The following RNF34 variants were observed in gnomAD, a reference collection of about 807,000 sequenced individuals.
RNF34 encodes ring finger protein 34.
Under a neutral mutation model 37.9 loss-of-function variants are expected in RNF34, and 12 were observed. The ratio of observed to expected loss-of-function variants is 0.32; its 90% CI spans 0.20 to 0.51. The LOEUF (loss-of-function observed/expected upper bound fraction) is 0.51, where lower values mean the gene tolerates loss of function less well. Among genes scored for constraint, RNF34 ranks in the 20% least tolerant of loss-of-function variants. The pLI is 0.97. For missense variants in RNF34, 362 were observed against 472.7 expected (o/e 0.77, Z 2.17); for synonymous variants, 155 against 177.2 (o/e 0.87, Z 1.00).
chr12:121,417,685 C>T lies in RNF34; in HGVS notation c.407C>T (p.Thr136Ile), dbSNP rs2137091894. 1 of 1,614,174 alleles carries T rather than the reference C, an allele frequency of 6.2e-7. No homozygotes were observed. The highest frequency in any genetic ancestry group is 8.5e-7 in the Non-Finnish European group (1 of 1,180,022). Residue 136 changes from threonine to isoleucine, a missense_variant, in exon 3 of 6, where the codon ACT (threonine) becomes ATT (isoleucine). Transcript: ENST00000361234. This position sits in a 1 kb window ranked among gnomAD's most constrained non-coding sequence, Gnocchi z 5.0. The stretch of plus-strand genomic sequence containing the variant: ...ATTCTGAGAAATATACCCATAGATA[C>T]TTGTCGTGAGAAAGAAGACTTGGTG... ...YLILRNIPIDTCREKEDLVDL... is the reference protein window; with the variant it reads ...YLILRNIPIDICREKEDLVDL...
chr12:121,419,121 G>A lies in RNF34; in HGVS notation c.634-1121G>A, dbSNP rs142087959. 3.5e-4 allele frequency among the ~76,000 whole-genome samples: 53 copies of A among 152,282 alleles called. No homozygotes were observed. The East Asian group carries it at 9.3e-3, about 27-fold the overall frequency. On this transcript the variant is annotated intron_variant, in intron 3 of 5. Coordinates refer to ENST00000361234, the MANE Select transcript of RNF34 (RefSeq NM_025126.4). ...TTGGTCAGTGATAGACCACATACAC[G>A]GCAGTGGTTCTGTAAGATTATAATA...
chr12:121,402,186 C>G (rs1870058345), intron 1 of RNF34, among the ~76,000 whole-genome samples: 1 of 152,016 alleles, frequency 6.6e-6, no homozygotes, highest in African/African-American at 2.4e-5. Context: ...GCCTATAATC[C>G]CAGCACTTTG....
intron 1 of RNF34, among the ~76,000 whole-genome samples, chr12:121,415,698 T>C: frequency 6.6e-6 from 1 of 152,102 alleles, no homozygotes; most frequent in East Asian, 1.9e-4. Flanking sequence ...CCTTAGACTG[T>C]AGAACTGTGG....
chr12:121,417,774 T>G lies in RNF34; in HGVS notation c.496T>G (p.Ser166Ala). The G allele has an allele frequency of 6.2e-7, 1 of 1,614,204 alleles. No individual in the cohort carries two copies. The highest frequency in any genetic ancestry group is 8.5e-7 in the Non-Finnish European group (1 of 1,180,042). The change falls in exon 3 of 6, where the codon TCT becomes GCT. Residue 166 changes from serine (S) to alanine (A), a missense_variant. Ser to Ala is a moderately conservative substitution (Grantham distance 99). Transcript: ENST00000361234. The surrounding 1 kb of genome is among the most constrained non-coding windows in gnomAD (Gnocchi z 5.0). The stretch of plus-strand genomic sequence containing the variant: ...CGACATGGACACAAGCAGTCTGAAT[T>G]CTTCAAGGTCCCAGACTTCTAGCTT... Reference protein sequence around the residue: ...EDDMDTSSLNSSRSQTSSFFT... With the variant: ...EDDMDTSSLNASRSQTSSFFT...
At chr12:121,407,053 C>G (rs1870612442) in intron 1 of RNF34, among the ~76,000 whole-genome samples, 1 of 152,028 alleles carries the variant, frequency 6.6e-6, no homozygotes, top group Non-Finnish European at 1.5e-5. Flanking sequence ...AGTTTTTCAC[C>G]CCTTGTTCCT....
chr12:121,401,354 C>CAAAAAAAAAAAAAAAAAAAAAAAAAAA lies in RNF34; in HGVS notation c.6+1156_6+1157insAAAAAAAAAAAAAAAAAAAAAAAAAAA, dbSNP rs563285897. 2.6e-5 allele frequency among the ~76,000 whole-genome samples: 2 copies of CAAAAAAAAAAAAAAAAAAAAAAAAAAA among 76,798 alleles called. 1 individual carries two copies. Among genetic ancestry groups the CAAAAAAAAAAAAAAAAAAAAAAAAAAA allele is most frequent in the Non-Finnish European group, 5.1e-5 (2 of 39,152 alleles). 50.4% of individuals were successfully genotyped at this position (76,798 alleles called of 152,430 possible). A position where few individuals can be genotyped will look rare whatever the true frequency, so the allele number is the denominator to read the frequency against. On this transcript the variant is annotated intron_variant, in intron 1 of 5. Transcript: ENST00000361234. ...TTACAAGGCAGAAGGCTATAGGTAT[C>CAAAAAAAAAAAAAAAAAAAAAAAAAAA]AAAAAAAAAAAAAAAAAAAAGGCAG...
intron 1 of RNF34, among the ~76,000 whole-genome samples, chr12:121,414,098 G>C (rs1366784612): frequency 6.6e-6 from 1 of 152,176 alleles, no homozygotes; most frequent in African/African-American, 2.4e-5. Flanking sequence ...TTTTAAGGTT[G>C]AGGGCTTTTT....
chr12:121,417,944 C>T lies in RNF34; in HGVS notation c.633+33C>T, dbSNP rs370742713. The T allele has an allele frequency of 3.9e-5, 62 of 1,597,916 alleles. No individual in the cohort carries two copies. The highest frequency in any genetic ancestry group is 4.8e-5 in the Non-Finnish European group (56 of 1,172,574). On this transcript the variant is annotated intron_variant, in intron 3 of 5. Coordinates refer to ENST00000361234, the MANE Select transcript of RNF34 (RefSeq NM_025126.4). This position sits in a 1 kb window ranked among gnomAD's most constrained non-coding sequence, Gnocchi z 5.0. ...GGGGTAACTAATTACACCCAGGGCC[C>T]GGCACGCTTATTCTTGGCCGTATAT...
At chr12:121,407,657 TG>T (rs1870675602) in intron 1 of RNF34, among the ~76,000 whole-genome samples, 2 of 152,116 alleles carry the variant, frequency 1.3e-5, no homozygotes, top group South Asian at 4.1e-4. Context: ...ATGGAAGCAA[TG>T]AATGAATAAA....
intron 1 of RNF34, among the ~76,000 whole-genome samples, chr12:121,406,015 G>A (rs897183463): frequency 1.3e-4 from 20 of 150,616 alleles, no homozygotes; most frequent in Non-Finnish European, 2.4e-4. Context: ...GGATGGTCTC[G>A]ATCTCCTGAC....
chr12:121,413,527 TCA>T (rs1555281673), intron 1 of RNF34, among the ~76,000 whole-genome samples: 3 of 149,130 alleles, frequency 2.0e-5, no homozygotes, highest in South Asian at 2.2e-4. Context: ...TTCTCCTGCC[TCA>T]GCCTCCCGAG....
chr12:121,420,579 C>T lies in RNF34; in HGVS notation c.729C>T (p.Asn243=). 1.2e-6 allele frequency: 2 copies of T among 1,613,972 alleles called. No individual in the cohort carries two copies. Among genetic ancestry groups the T allele is most frequent in the Non-Finnish European group, 8.5e-7 (1 of 1,179,910 alleles). The part of the protein sequence containing the change: ...DDEEENAEDR[N]PGLSKERVRA... ...TAATGGATGCTCTGTGGTTTCAGAA[C>T]CCCGGGCTCTCCAAGGAGAGAGTGA... Residue 243 remains asparagine (N), a splice_region_variant and synonymous_variant, in exon 5 of 6, where the codon AAC becomes AAT. Coordinates refer to ENST00000361234, the MANE Select transcript of RNF34 (RefSeq NM_025126.4).
chr12:121,423,600 G>T lies in RNF34; in HGVS notation c.*24G>T. The T allele has an allele frequency of 1.2e-6, 2 of 1,601,202 alleles. No individual in the cohort carries two copies. Among genetic ancestry groups the T allele is most frequent in the South Asian group, 2.2e-5 (2 of 89,884 alleles). On this transcript the variant is annotated 3_prime_UTR_variant, in exon 6 of 6. Transcript: ENST00000361234. This position sits in a 1 kb window ranked among gnomAD's most constrained non-coding sequence, Gnocchi z 4.3. ...GAAACAGGCTCCCCTCACCAGGACA[G>T]TCACCCCCAAACTTGACCCCCAACA... is the stretch of plus-strand genomic sequence containing the variant.
chr12:121,405,570 G>A (rs1338466892), intron 1 of RNF34, among the ~76,000 whole-genome samples: 4 of 151,854 alleles, frequency 2.6e-5, no homozygotes, highest in African/African-American at 7.3e-5. Flanking sequence ...CGCAACCTCC[G>A]TCTCCCAGGT....
chr12:121,414,765 C>T (rs951026125), intron 1 of RNF34, among the ~76,000 whole-genome samples: 7 of 151,426 alleles, frequency 4.6e-5, no homozygotes, highest in African/African-American at 1.2e-4. Context: ...CTCCGCCTCC[C>T]GAATTCAAGC....
At chr12:121,421,724 T>G (rs1555283426) in intron 5 of RNF34, among the ~76,000 whole-genome samples, 1 of 152,212 alleles carries the variant, frequency 6.6e-6, no homozygotes, top group African/African-American at 2.4e-5. Context: ...TATTTTTAAA[T>G]TGAGACAGGG....
At chr12:121,406,489 G>A (rs10849878) in intron 1 of RNF34, among the ~76,000 whole-genome samples, 47,481 of 151,986 alleles carry the variant, frequency 0.31, 8,922 homozygotes, top group East Asian at 0.43. Context: ...GTTTCACCAC[G>A]TTGCCCACGC....
intron 1 of RNF34, among the ~76,000 whole-genome samples, chr12:121,415,468 T>C (rs1871473733): frequency 6.6e-6 from 1 of 151,864 alleles, no homozygotes; most frequent in South Asian, 2.1e-4. Flanking sequence ...TAAAAATAAA[T>C]TAGCCAAGTG....
chr12:121,417,964 G>A lies in RNF34; in HGVS notation c.633+53G>A, dbSNP rs535216026. 9.0e-6 allele frequency: 14 copies of A among 1,551,050 alleles called. No individual in the cohort carries two copies. The highest frequency in any genetic ancestry group is 3.6e-5 in the South Asian group (3 of 83,454). On this transcript the variant is annotated intron_variant, in intron 3 of 5. Coordinates refer to ENST00000361234, the MANE Select transcript of RNF34 (RefSeq NM_025126.4). This position sits in a 1 kb window ranked among gnomAD's most constrained non-coding sequence, Gnocchi z 5.0. ...GGGCCCGGCACGCTTATTCTTGGCC[G>A]TATATGGTGGGGCCTTTAGTGCTTG...
Sources: allele counts gnomAD v4.1 joint callset (sites outside exome capture counted in the v4.1 genomes callset), GRCh38; gene constraint gnomAD v4.1.1; non-coding constraint Gnocchi (gnomAD v3.1); transcripts MANE v1.5; gene names NCBI Gene and HGNC (gene_info 2026-07-23, HGNC 2026-07-21).